The following FXR1 variants were observed in gnomAD, a reference collection of about 807,000 sequenced individuals.
FXR1 encodes the protein FMR1 autosomal homolog 1.
A neutral mutation model predicts 84.0 loss-of-function variants in FXR1; 15 were observed. That is an observed-to-expected ratio of 0.18 (90% CI 0.12 to 0.27). FXR1 has a LOEUF of 0.27. Ranked by LOEUF, FXR1 falls within the 10% of genes least tolerant of loss-of-function variation. FXR1 has a pLI of 1.00. For missense variants in FXR1, 480 were observed against 774.4 expected, an observed-to-expected ratio of 0.62 and a Z score of 4.51; for synonymous variants, 245 against 250.7, an observed-to-expected ratio of 0.98 and a Z score of 0.21.
At chr3:180,932,975 C>G (rs1005536281) in intron 1 of FXR1, 14 of 183,548 alleles carry the variant, frequency 7.6e-5, no homozygotes, top group Admixed American at 1.9e-4. Flanking sequence ...GGTATGAATC[C>G]TGGCAGCCAG....
At chr3:180,970,861 C>T (rs1229122592) in intron 15 of FXR1, among the ~76,000 whole-genome samples, 1 of 152,074 alleles carries the variant, frequency 6.6e-6, no homozygotes. Flanking sequence ...TGAGTTAAAA[C>T]CCTCTGAATT....
Position 180,977,767 on chromosome 3 carries a change from A to G in FXR1, c.*1475A>G, listed in dbSNP as rs955831882. On this transcript the variant is annotated 3_prime_UTR_variant, in exon 17 of 17. Coordinates refer to ENST00000357559, the MANE Select transcript of FXR1 (RefSeq NM_005087.4). ...AAGTGTTGTGTGCATAGTTTGTGTT[A>G]ATTTTTTATGTGCATAAAAATGTGA... The G allele has an allele frequency of 6.6e-6, 1 of 152,148 alleles. No homozygotes were observed. The highest frequency in any genetic ancestry group is 2.4e-5 in the African/African-American group (1 of 41,452). The allele number at this position is 152,148 out of a possible 1,614,324, so 9.4% of individuals were successfully genotyped here. A position where few individuals can be genotyped will look rare whatever the true frequency, so the allele number is the denominator to read the frequency against.
Position 180,981,930 on chromosome 3 carries a change from T to G in FXR1, c.*5638T>G, listed in dbSNP as rs1398610859. ...CCAAAGTGTGTTTAATCATGCCGCCTTCTTTAAAATATATCTGGAAGCACC... is the reference window on the plus strand; with the variant it reads ...CCAAAGTGTGTTTAATCATGCCGCCGTCTTTAAAATATATCTGGAAGCACC... On this transcript the variant is annotated 3_prime_UTR_variant, in exon 17 of 17. Coordinates refer to ENST00000357559, the MANE Select transcript of FXR1 (RefSeq NM_005087.4). The G allele has an allele frequency of 2.0e-5, 3 of 152,068 alleles. No homozygotes were observed. Among genetic ancestry groups the G allele is most frequent in the Non-Finnish European group, 2.9e-5 (2 of 67,954 alleles). 9.4% of individuals were successfully genotyped at this position (152,068 alleles called of 1,614,324 possible).
Position 180,978,419 on chromosome 3 carries a change from A to ATACGCATTTGTT in FXR1, c.*2129_*2140dup, listed in dbSNP as rs1457126188. ...TATAGGTAGTGCAGAATTGTGATAA[A>ATACGCATTTGTT]TACGCATTTGTTTTTTTAGAGAGCC... On this transcript the variant is annotated 3_prime_UTR_variant, in exon 17 of 17. Coordinates refer to ENST00000357559, the MANE Select transcript of FXR1 (RefSeq NM_005087.4). 2 of 152,120 alleles carry ATACGCATTTGTT rather than the reference A, an allele frequency of 1.3e-5. No homozygotes were observed. Among genetic ancestry groups the ATACGCATTTGTT allele is most frequent in the Non-Finnish European group, 2.9e-5 (2 of 67,978 alleles). The allele number at this position is 152,120 out of a possible 1,614,324, so 9.4% of individuals were successfully genotyped here. A position where few individuals can be genotyped will look rare whatever the true frequency, so the allele number is the denominator to read the frequency against.
chr3:180,937,095 ATC>A (rs1237552993), intron 3 of FXR1, among the ~76,000 whole-genome samples: 3 of 152,246 alleles, frequency 2.0e-5, no homozygotes, highest in South Asian at 4.1e-4. Flanking sequence ...TCAATATTGT[ATC>A]TCTAATAGTT....
intron 1 of FXR1, among the ~76,000 whole-genome samples, chr3:180,926,926 G>A (rs944071144): frequency 3.9e-5 from 6 of 152,062 alleles, no homozygotes; most frequent in South Asian, 2.1e-4. Flanking sequence ...GGGTTTATTA[G>A]GAATGTTCCT....
chr3:180,948,871 A>G, intron 6 of FXR1, 57 bp downstream of exon 6: 1 of 817,208 alleles, frequency 1.2e-6, no homozygotes, highest in Non-Finnish European at 2.1e-6. Context: ...CAGATTTTAT[A>G]ATTACATATT....
At chr3:180,929,465 T>C (rs1005936895) in intron 1 of FXR1, among the ~76,000 whole-genome samples, 1 of 152,200 alleles carries the variant, frequency 6.6e-6, no homozygotes, top group African/African-American at 2.4e-5. Flanking sequence ...TGCCTTGAAA[T>C]CTTCTGTGTT....
At chr3:180,931,116 A>G (rs1719848425) in intron 1 of FXR1, among the ~76,000 whole-genome samples, 2 of 151,980 alleles carry the variant, frequency 1.3e-5, no homozygotes, top group African/African-American at 2.4e-5. Flanking sequence ...TGGTCAGATA[A>G]TCAGAGCCTG....
Position 180,954,185 on chromosome 3 carries a change from C to T in FXR1, c.880+345C>T, listed in dbSNP as rs143985432. 1,320 of 176,350 alleles carry T rather than the reference C, an allele frequency of 7.5e-3. 24 individuals carry two copies. Among genetic ancestry groups the T allele is most frequent in the African/African-American group, 0.03 (1,251 of 42,132 alleles). The allele number at this position is 176,350 out of a possible 1,614,324, so 10.9% of individuals were successfully genotyped here. On this transcript the variant is annotated intron_variant, in intron 9 of 16. Transcript: ENST00000357559. ...TCTCTTTTTATCACTGATATATATTCATCAAAATTATGATAGTACTTTTTG... is the reference window on the plus strand; with the variant it reads ...TCTCTTTTTATCACTGATATATATTTATCAAAATTATGATAGTACTTTTTG...
At chr3:180,956,674 A>G (rs985663097) in intron 9 of FXR1, among the ~76,000 whole-genome samples, 1 of 150,506 alleles carries the variant, frequency 6.6e-6, no homozygotes, top group Admixed American at 6.6e-5. Context: ...GATACACGTC[A>G]TGTGAATTCC....
At position 180,949,326 on chromosome 3, in the gene FXR1, G is replaced by T; in HGVS notation, c.613G>T (p.Ala205Ser). ...KLMLMSRNEE[A>S]TKHLECTKQL... ...GATGCTTATGTCCAGAAATGAAGAG[G>T]CCACTAAGCATTTAGAAGTAAGTGG... is the stretch of plus-strand genomic sequence containing the variant. Residue 205 changes from alanine to serine, a missense_variant, in exon 7 of 17, where the codon GCC becomes TCC. This residue lies in a region of FXR1 where 136 missense variants were observed against 315.4 expected (regional missense o/e 0.43). Coordinates refer to ENST00000357559, the MANE Select transcript of FXR1 (RefSeq NM_005087.4). 6.6e-7 allele frequency: 1 copy of T among 1,504,076 alleles called. No individual in the cohort carries two copies. Among genetic ancestry groups the T allele is most frequent in the Non-Finnish European group, 9.3e-7 (1 of 1,079,360 alleles). 93.2% of individuals were successfully genotyped at this position (1,504,076 alleles called of 1,614,324 possible). A position where few individuals can be genotyped will look rare whatever the true frequency, so the allele number is the denominator to read the frequency against.
chr3:180,928,749 A>G (rs1015714046), intron 1 of FXR1, among the ~76,000 whole-genome samples: 2 of 151,964 alleles, frequency 1.3e-5, no homozygotes, highest in African/African-American at 4.8e-5. Flanking sequence ...AGGCTAATGG[A>G]TTGTTAGTTA....
At position 180,968,307 on chromosome 3, in the gene FXR1, T is replaced by G. The variant is rs1480266382; in HGVS notation, c.1402+53T>G. 9 of 1,274,492 alleles carry G rather than the reference T, an allele frequency of 7.1e-6. No homozygotes were observed. In the Admixed American group the frequency reaches 1.5e-4, roughly 21 times the overall value. 78.9% of individuals were successfully genotyped at this position (1,274,492 alleles called of 1,614,324 possible). ...CCATTATTTGTAAACAGTTTAATTTTACAAAAGTTAATTCATCTCCCAGGG... is the reference window on the plus strand; with the variant it reads ...CCATTATTTGTAAACAGTTTAATTTGACAAAAGTTAATTCATCTCCCAGGG... On this transcript the variant is annotated intron_variant, in intron 14 of 16. Coordinates refer to ENST00000357559, the MANE Select transcript of FXR1 (RefSeq NM_005087.4).
In FXR1 at chr3:180,943,801, T is replaced by C. The variant is rs1805596; in HGVS notation, c.199-4064T>C. Among the ~76,000 whole-genome samples the C allele has an allele frequency of 7.1e-3, 1,082 of 152,278 alleles. 9 individuals are homozygous for C. Among genetic ancestry groups the C allele is most frequent in the Admixed American group, 0.014 (219 of 15,302 alleles). On this transcript the variant is annotated intron_variant, in intron 3 of 16. Coordinates refer to ENST00000357559, the MANE Select transcript of FXR1 (RefSeq NM_005087.4). ...AAAATAGAATAAGGGGGTTAGGTAG[T>C]TTTAAGACATAACATTTTCAGCAAA...
chr3:180,939,186 G>T (rs112733105), intron 3 of FXR1, among the ~76,000 whole-genome samples: 4,685 of 152,152 alleles, frequency 0.031, 245 homozygotes, highest in African/African-American at 0.11. Flanking sequence ...GAGACACTGC[G>T]CAGGCTTACT....
intron 14 of FXR1, chr3:180,968,505 TTC>T (rs1713124015): frequency 3.0e-6 from 1 of 328,258 alleles, no homozygotes; most frequent in South Asian, 6.4e-5. Flanking sequence ...GGTCAGATGT[TTC>T]TCTCTTCAGG....
intron 1 of FXR1, among the ~76,000 whole-genome samples, chr3:180,926,485 TA>T (rs1719199881): frequency 1.0e-5 from 1 of 96,770 alleles, no homozygotes; most frequent in Non-Finnish European, 1.9e-5. Context: ...ACTGTATATA[TA>T]TATATATATA....
At chr3:180,918,177 G>T (rs999788854) in intron 1 of FXR1, among the ~76,000 whole-genome samples, 5 of 152,076 alleles carry the variant, frequency 3.3e-5, no homozygotes, top group Non-Finnish European at 7.4e-5. Flanking sequence ...TCAGATATTT[G>T]TGTGCCTTCT....
Sources: allele counts gnomAD v4.1 joint callset (sites outside exome capture counted in the v4.1 genomes callset), GRCh38; gene constraint gnomAD v4.1.1; regional missense constraint gnomAD v4.1.1; transcripts MANE v1.5; gene names NCBI Gene and HGNC (gene_info 2026-07-23, HGNC 2026-07-21).